LRRC28: variants seen among roughly 807,000 people sequenced by gnomAD.
LRRC28 encodes the protein leucine-rich repeat-containing protein 28.
A neutral mutation model predicts 45.7 loss-of-function variants in LRRC28; 39 were observed. That is an observed-to-expected ratio of 0.85 (90% CI 0.66 to 1.12). LRRC28 has a LOEUF of 1.12. Ranked by LOEUF, LRRC28 falls within the 50% of genes most tolerant of loss-of-function variation. The pLI is 0.00. For missense variants in LRRC28, 435 were observed against 438.5 expected, an observed-to-expected ratio of 0.99 and a Z score of 0.07; for synonymous variants, 206 against 178.8, an observed-to-expected ratio of 1.15 and a Z score of -1.22.
At chr15:99,313,358 T>C (rs544821687) in intron 5 of LRRC28, among the ~76,000 whole-genome samples, 1 of 152,286 alleles carries the variant, frequency 6.6e-6, no homozygotes, top group African/African-American at 2.4e-5. Flanking sequence ...AAGATTTTAA[T>C]AGTCCTCTCT....
At chr15:99,384,555 T>C (rs1462803583) in intron 9 of LRRC28, 1 of 152,192 alleles carries the variant, frequency 6.6e-6, no homozygotes, top group Admixed American at 6.5e-5. Context: ...TGAGTTGAGA[T>C]CTCAAGGCAC....
chr15:99,387,173 G>A lies in LRRC28; in HGVS notation c.*1071G>A, dbSNP rs533335381. ...CCTCCCGGGTTCACGCCATTCTCCT[G>A]CCTCAGCCTCCCAAGTAGCTGGGAC... is the stretch of plus-strand genomic sequence containing the variant. On this transcript the variant is annotated 3_prime_UTR_variant, in exon 10 of 10. Transcript: ENST00000301981. 2.0e-5 allele frequency: 3 copies of A among 147,476 alleles called. No individual in the cohort carries two copies. Among genetic ancestry groups the A allele is most frequent in the Non-Finnish European group, 4.5e-5 (3 of 66,592 alleles). The allele number at this position is 147,476 out of a possible 1,614,324, so 9.1% of individuals were successfully genotyped here.
rs1397506214 is a variant in LRRC28 at position 99,273,097 on chromosome 15, A to G, written c.169-3479A>G. 3.9e-5 allele frequency among the ~76,000 whole-genome samples: 6 copies of G among 152,342 alleles called. No homozygotes were observed. In the East Asian group the frequency reaches 9.6e-4, roughly 24 times the overall value. ...TTAAAACGTATAACATTTCTCAGCT[A>G]CATTGCTAAAAATATGGCATTAGAA... is the stretch of plus-strand genomic sequence containing the variant. On this transcript the variant is annotated intron_variant, in intron 2 of 9. Transcript: ENST00000301981.
intron 3 of LRRC28, chr15:99,285,784 G>A (rs2081942573): frequency 4.1e-6 from 2 of 489,142 alleles, no homozygotes; most frequent in Non-Finnish European, 7.7e-6. Flanking sequence ...CTTGAATTGA[G>A]GCAAGTATTT....
In LRRC28 at chr15:99,386,728, CTT is replaced by C. The variant is rs1228916655; in HGVS notation, c.*629_*630del. On this transcript the variant is annotated 3_prime_UTR_variant, in exon 10 of 10. Coordinates refer to ENST00000301981, the MANE Select transcript of LRRC28 (RefSeq NM_144598.5). ...ATACGTTCTACAGTGTAGCAACAGA[CTT>C]TTGTGAGGGATTTTAAAAACAAAAA... The C allele has an allele frequency of 6.6e-6, 1 of 152,106 alleles. No homozygotes were observed. Among genetic ancestry groups the C allele is most frequent in the East Asian group, 1.9e-4 (1 of 5,204 alleles). The allele number at this position is 152,106 out of a possible 1,614,324, so 9.4% of individuals were successfully genotyped here.
chr15:99,269,668 G>A (rs147442041), intron 2 of LRRC28, among the ~76,000 whole-genome samples: 83 of 152,270 alleles, frequency 5.5e-4, no homozygotes, highest in Middle Eastern at 3.4e-3. Context: ...CTCCCAAAGT[G>A]TTAGGATTAC....
chr15:99,363,522 G>T, intron 9 of LRRC28: 1 of 282,386 alleles, frequency 3.5e-6, no homozygotes. Flanking sequence ...TTGTGAGAAT[G>T]TTTTCCTGCT....
At chr15:99,356,172 A>G (rs1315738201) in intron 7 of LRRC28, among the ~76,000 whole-genome samples, 1 of 152,226 alleles carries the variant, frequency 6.6e-6, no homozygotes, top group Non-Finnish European at 1.5e-5. Context: ...CACAATATCT[A>G]GGAAACGTTC....
chr15:99,313,370 G>A (rs937082959), intron 5 of LRRC28, among the ~76,000 whole-genome samples: 6 of 152,010 alleles, frequency 3.9e-5, no homozygotes, highest in Non-Finnish European at 7.4e-5. Flanking sequence ...GTCCTCTCTT[G>A]GCATCTGAGA....
chr15:99,305,320 G>C (rs1253919713), intron 5 of LRRC28, among the ~76,000 whole-genome samples: 1 of 152,068 alleles, frequency 6.6e-6, no homozygotes, highest in Non-Finnish European at 1.5e-5. Flanking sequence ...GTCTTTCAGG[G>C]CTTTTACAGC....
In LRRC28 at chr15:99,257,168, G is replaced by C. The variant is rs1031488001; in HGVS notation, c.168+1043G>C. On this transcript the variant is annotated intron_variant, in intron 2 of 9. Transcript: ENST00000301981. The stretch of plus-strand genomic sequence containing the variant: ...TCTTTGCTCTGTCTGGAAGTAAATA[G>C]ATACGTATGTCTTGTTCTTTTGTGA... 6.6e-5 allele frequency among the ~76,000 whole-genome samples: 10 copies of C among 152,284 alleles called. No homozygotes were observed. The East Asian group carries it at 1.9e-3, about 29-fold the overall frequency.
rs528240990 is a variant in LRRC28, at chr15:99,387,089, C to G, written c.*987C>G. 3.3e-5 allele frequency: 5 copies of G among 151,750 alleles called. No homozygotes were observed. The highest frequency in any genetic ancestry group is 1.9e-4 in the East Asian group (1 of 5,156). 9.4% of individuals were successfully genotyped at this position (151,750 alleles called of 1,614,324 possible). A position where few individuals can be genotyped will look rare whatever the true frequency, so the allele number is the denominator to read the frequency against. ...TTTTTTGTTGTTGTTGAGACGGAGT[C>G]TCGCTCTGTCGCCCAGGCTGGAGTG... On this transcript the variant is annotated 3_prime_UTR_variant, in exon 10 of 10. Coordinates refer to ENST00000301981, the MANE Select transcript of LRRC28 (RefSeq NM_144598.5).
chr15:99,328,149 T>C (rs771933960), intron 5 of LRRC28, among the ~76,000 whole-genome samples: 3 of 152,248 alleles, frequency 2.0e-5, no homozygotes, highest in South Asian at 2.1e-4. Context: ...GAATATACCA[T>C]GTGCACTTGA....
chr15:99,297,130 A>T (rs2082285008), intron 5 of LRRC28: 1 of 151,372 alleles, frequency 6.6e-6, no homozygotes, highest in Non-Finnish European at 1.5e-5. Flanking sequence ...GCAGTGAGCC[A>T]AGATTGCACC....
At chr15:99,275,205 A>T (rs987829848) in intron 2 of LRRC28, among the ~76,000 whole-genome samples, 3 of 152,248 alleles carry the variant, frequency 2.0e-5, no homozygotes, top group African/African-American at 7.2e-5. Flanking sequence ...TCCACTACCC[A>T]GTACCTCCAG....
intron 5 of LRRC28, among the ~76,000 whole-genome samples, chr15:99,290,340 T>A (rs1213287027): frequency 2.0e-5 from 3 of 152,122 alleles, no homozygotes; most frequent in Non-Finnish European, 1.5e-5. Context: ...TCTCATATAA[T>A]GAATGTCTTA....
intron 6 of LRRC28, among the ~76,000 whole-genome samples, chr15:99,334,797 T>C (rs1159023883): frequency 6.6e-6 from 1 of 152,160 alleles, no homozygotes; most frequent in Non-Finnish European, 1.5e-5. Flanking sequence ...AATTAAAATA[T>C]GAGGCCACTT....
At chr15:99,269,214 T>A (rs998059682) in intron 2 of LRRC28, among the ~76,000 whole-genome samples, 1 of 152,226 alleles carries the variant, frequency 6.6e-6, no homozygotes, top group Non-Finnish European at 1.5e-5. Context: ...TTTCTTAAGA[T>A]GACAATTTTA....
At position 99,337,097 on chromosome 15, in the gene LRRC28, C is replaced by G. The variant is rs184874462; in HGVS notation, c.592+2968C>G. Among the ~76,000 whole-genome samples the G allele has an allele frequency of 2.0e-5, 3 of 152,360 alleles. No individual in the cohort carries two copies. In the East Asian group the frequency reaches 5.8e-4, roughly 29 times the overall value. ...TTGTTTGCTGCAGCTGGTTTCTGTG[C>G]CCTTCACCTTTGCCTATTCTCCCTC... On this transcript the variant is annotated intron_variant, in intron 6 of 9. Transcript: ENST00000301981.
Sources: gnomAD v4.1 joint callset for allele counts (sites outside exome capture counted in the v4.1 genomes callset) on GRCh38, gnomAD v4.1.1 for gene constraint, MANE v1.5 for transcripts, NCBI Gene and HGNC (gene_info 2026-07-23, HGNC 2026-07-21) for gene names.